LIN7A: variants seen among roughly 807,000 people sequenced by gnomAD.
LIN7A encodes the protein protein lin-7 homolog A.
In LIN7A, 25 loss-of-function variants were observed where a neutral mutation model predicts 29.8. The ratio of observed to expected loss-of-function variants is 0.84; its 90% CI spans 0.61 to 1.17. The LOEUF (loss-of-function observed/expected upper bound fraction) is 1.17. LIN7A is among the 50% of genes most tolerant of loss of function. The pLI is 0.00. For missense variants in LIN7A, 239 were observed against 287.0 expected (o/e 0.83, Z 1.21); for synonymous variants, 118 against 107.5 (o/e 1.10, Z -0.60).
chr12:80,906,013 G>A (rs1387542050), intron 1 of LIN7A, among the ~76,000 whole-genome samples: 1 of 152,070 alleles, frequency 6.6e-6, no homozygotes, highest in Non-Finnish European at 1.5e-5. Context: ...AGTCCTCAAA[G>A]AGCTAGTATT....
intron 2 of LIN7A, among the ~76,000 whole-genome samples, chr12:80,876,837 C>A (rs1189157071): frequency 6.6e-6 from 1 of 151,996 alleles, no homozygotes; most frequent in African/African-American, 2.4e-5. Flanking sequence ...GTTGAATATT[C>A]TTGGCCGGGC....
chr12:80,802,481 C>G (rs940879902), intron 5 of LIN7A, among the ~76,000 whole-genome samples: 1 of 151,976 alleles, frequency 6.6e-6, no homozygotes, highest in Non-Finnish European at 1.5e-5. Context: ...GGATATATCC[C>G]CAGAAGTGAG....
intron 4 of LIN7A, among the ~76,000 whole-genome samples, chr12:80,825,159 G>A (rs143595185): frequency 1.2e-3 from 187 of 152,266 alleles, no homozygotes; most frequent in Non-Finnish European, 1.9e-3. Flanking sequence ...GCCAGGAAGG[G>A]AAGGGGTTTT....
At chr12:80,808,641 G>C (rs1319562326) in intron 5 of LIN7A, among the ~76,000 whole-genome samples, 1 of 151,724 alleles carries the variant, frequency 6.6e-6, no homozygotes, top group Non-Finnish European at 1.5e-5. Flanking sequence ...GAGTAGCTGG[G>C]ACTACAGGCG....
At chr12:80,811,904 AG>A in intron 4 of LIN7A, among the ~76,000 whole-genome samples, 1 of 152,318 alleles carries the variant, frequency 6.6e-6, no homozygotes, top group East Asian at 1.9e-4. Flanking sequence ...GTGGGGATTC[AG>A]GTCATAAGGG....
intron 1 of LIN7A, among the ~76,000 whole-genome samples, chr12:80,891,027 C>G (rs182628211): frequency 3.9e-5 from 6 of 152,094 alleles, no homozygotes; most frequent in Non-Finnish European, 7.4e-5. Context: ...ATTTCTCCCC[C>G]CAAACAAGCC....
chr12:80,876,760 T>C (rs11830291), intron 2 of LIN7A, among the ~76,000 whole-genome samples: 3,506 of 152,336 alleles, frequency 0.023, 123 homozygotes, highest in African/African-American at 0.08. Context: ...TCCACAATTA[T>C]ACATTGTTTG....
At chr12:80,818,973 A>G (rs1871666577) in intron 4 of LIN7A, among the ~76,000 whole-genome samples, 1 of 152,230 alleles carries the variant, frequency 6.6e-6, no homozygotes, top group Non-Finnish European at 1.5e-5. Context: ...TGGGTATTTA[A>G]TTAAGAAAGA....
At chr12:80,861,467 G>C (rs1468369189) in intron 2 of LIN7A, 1 of 153,968 alleles carries the variant, frequency 6.5e-6, no homozygotes, top group Admixed American at 6.5e-5. Context: ...TGGGGCAGTT[G>C]GCTTCTGCCT....
chr12:80,840,379 T>A (rs1383137780), intron 4 of LIN7A, among the ~76,000 whole-genome samples: 1 of 152,220 alleles, frequency 6.6e-6, no homozygotes, highest in Non-Finnish European at 1.5e-5. Flanking sequence ...CAGTAAAGGT[T>A]GAAATCCACT....
chr12:80,819,474 C>A (rs1305758447), intron 4 of LIN7A, among the ~76,000 whole-genome samples: 2 of 152,194 alleles, frequency 1.3e-5, no homozygotes, highest in Non-Finnish European at 2.9e-5. Flanking sequence ...AGTTCACCAT[C>A]ATTCTGTTGC....
intron 2 of LIN7A, among the ~76,000 whole-genome samples, chr12:80,853,620 C>T (rs1332803300): frequency 7.8e-6 from 1 of 127,666 alleles, no homozygotes; most frequent in Non-Finnish European, 1.6e-5. Context: ...CACCTACACA[C>T]TTATTAGAAT....
At chr12:80,823,788 A>G (rs1214716958) in intron 4 of LIN7A, among the ~76,000 whole-genome samples, 2 of 152,262 alleles carry the variant, frequency 1.3e-5, no homozygotes, top group East Asian at 3.8e-4. Context: ...TGGGTCAACA[A>G]TGAAATCAAG....
intron 4 of LIN7A, among the ~76,000 whole-genome samples, chr12:80,840,611 C>T (rs1290602369): frequency 6.6e-6 from 1 of 151,730 alleles, no homozygotes; most frequent in African/African-American, 2.4e-5. Flanking sequence ...ATAAATAAAA[C>T]ATATTGTGTT....
intron 1 of LIN7A, among the ~76,000 whole-genome samples, chr12:80,911,189 A>G (rs531643410): frequency 6.6e-6 from 1 of 152,122 alleles, no homozygotes; most frequent in South Asian, 2.1e-4. Context: ...ATCAAAATTC[A>G]ATCTTTACAT....
chr12:80,926,904 G>GGA (rs1877612329), intron 1 of LIN7A, among the ~76,000 whole-genome samples: 1 of 140,970 alleles, frequency 7.1e-6, no homozygotes, highest in Non-Finnish European at 1.5e-5. Flanking sequence ...CTCCAGCCTG[G>GGA]GAGACAGTGC....
intron 4 of LIN7A, among the ~76,000 whole-genome samples, chr12:80,822,826 G>T (rs1871875631): frequency 6.6e-6 from 1 of 152,098 alleles, no homozygotes; most frequent in Non-Finnish European, 1.5e-5. Context: ...CAGGAGGCAG[G>T]CAGACTCCTG....
chr12:80,834,954 T>G (rs1346715956), intron 4 of LIN7A, among the ~76,000 whole-genome samples: 1 of 152,200 alleles, frequency 6.6e-6, no homozygotes, highest in Non-Finnish European at 1.5e-5. Context: ...GTTAGAAGAA[T>G]GTTCCTCCCA....
chr12:80,848,182 C>T, intron 3 of LIN7A, 69 bp downstream of exon 3: 2 of 1,139,512 alleles, frequency 1.8e-6, no homozygotes, highest in Non-Finnish European at 2.6e-6. Context: ...ATACCTGAAA[C>T]ACACACGCGC....
Sources: gnomAD v4.1 joint callset for allele counts (sites outside exome capture counted in the v4.1 genomes callset) on GRCh38, gnomAD v4.1.1 for gene constraint, MANE v1.5 for transcripts, NCBI Gene and HGNC (gene_info 2026-07-23, HGNC 2026-07-21) for gene names.